The following SBF2 variants were observed in gnomAD, a reference collection of about 807,000 sequenced individuals.
SBF2 encodes the protein SET binding factor 2.
In SBF2, 112 loss-of-function variants were observed where a neutral mutation model predicts 225.2. The ratio of observed to expected loss-of-function variants is 0.50; its 90% CI spans 0.43 to 0.58. The LOEUF (loss-of-function observed/expected upper bound fraction) is 0.58. Ranked by LOEUF, SBF2 falls within the 20% of genes least tolerant of loss-of-function variation. The pLI, the probability that SBF2 is intolerant of heterozygous loss-of-function variation, is 0.00. For synonymous variants in SBF2, 763 were observed against 773.3 expected (o/e 0.99, Z 0.22); for missense variants, 1,996 against 2,206.2 (o/e 0.90, Z 1.91).
At chr11:10,211,229 C>A (rs1368737045) in intron 1 of SBF2, among the ~76,000 whole-genome samples, 1 of 152,088 alleles carries the variant, frequency 6.6e-6, no homozygotes, top group Admixed American at 6.6e-5. Flanking sequence ...ACAGTTAGCT[C>A]TAAAATGAAG....
intron 1 of SBF2, among the ~76,000 whole-genome samples, chr11:10,217,705 A>G (rs114447136): frequency 0.022 from 3,283 of 152,244 alleles, 89 homozygotes; most frequent in African/African-American, 0.065. Flanking sequence ...TAAGCCTTAG[A>G]GAGGTATTAC....
At chr11:10,141,591 T>C (rs1158647983) in intron 2 of SBF2, among the ~76,000 whole-genome samples, 3 of 152,184 alleles carry the variant, frequency 2.0e-5, no homozygotes, top group Non-Finnish European at 4.4e-5. Flanking sequence ...TCATCAAAAT[T>C]ATAGCTTCCC....
intron 3 of SBF2, among the ~76,000 whole-genome samples, chr11:10,032,035 T>G (rs920028563): frequency 6.6e-6 from 1 of 152,216 alleles, no homozygotes; most frequent in Non-Finnish European, 1.5e-5. Flanking sequence ...CCATCATGCT[T>G]GGCTGAGAGA....
At chr11:9,852,912 C>T (rs979402960) in intron 20 of SBF2, among the ~76,000 whole-genome samples, 163 bp from the exon 21 acceptor site, 2 of 152,040 alleles carry the variant, frequency 1.3e-5, no homozygotes, top group African/African-American at 4.8e-5. Flanking sequence ...TACATATATA[C>T]CCAAAAGAAA....
intron 2 of SBF2, among the ~76,000 whole-genome samples, chr11:10,170,777 T>C (rs1398792067): frequency 6.6e-6 from 1 of 152,036 alleles, no homozygotes; most frequent in Non-Finnish European, 1.5e-5. Context: ...TTCCAATCCA[T>C]GAACATGGAA....
At chr11:10,062,883 A>G (rs1427428212) in intron 2 of SBF2, among the ~76,000 whole-genome samples, 1 of 152,176 alleles carries the variant, frequency 6.6e-6, no homozygotes, top group Non-Finnish European at 1.5e-5. Flanking sequence ...AAAGACCCAG[A>G]CACGTGAATG....
chr11:10,117,806 T>C (rs550971614), intron 2 of SBF2, among the ~76,000 whole-genome samples: 22 of 152,118 alleles, frequency 1.4e-4, no homozygotes, highest in Non-Finnish European at 2.6e-4. Context: ...TTATGCAATA[T>C]GACTCCATTT....
chr11:10,170,511 G>C (rs1956142083), intron 2 of SBF2, among the ~76,000 whole-genome samples: 1 of 152,082 alleles, frequency 6.6e-6, no homozygotes, highest in Admixed American at 6.5e-5. Flanking sequence ...CCAGTAACAT[G>C]CTATTTTGGT....
chr11:10,048,062 C>T (rs1949933549), intron 2 of SBF2, among the ~76,000 whole-genome samples: 1 of 152,092 alleles, frequency 6.6e-6, no homozygotes, highest in Non-Finnish European at 1.5e-5. Context: ...TAAAGAAAAG[C>T]CGACATCATT....
At chr11:10,219,464 T>C (rs546402584) in intron 1 of SBF2, among the ~76,000 whole-genome samples, 2 of 152,322 alleles carry the variant, frequency 1.3e-5, no homozygotes, top group East Asian at 3.9e-4. Flanking sequence ...GGGACTGCCT[T>C]AAAGGTCTCT....
intron 12 of SBF2, among the ~76,000 whole-genome samples, chr11:9,990,571 T>C (rs1947384314): frequency 6.6e-6 from 1 of 152,186 alleles, no homozygotes; most frequent in East Asian, 1.9e-4. Context: ...TCTTAGGCTC[T>C]TGACTGATAC....
chr11:9,968,822 A>G (rs1867136377), intron 13 of SBF2, among the ~76,000 whole-genome samples: 1 of 152,012 alleles, frequency 6.6e-6, no homozygotes, highest in Non-Finnish European at 1.5e-5. Flanking sequence ...TCATCTCCCT[A>G]ATCCCTTAAC....
At chr11:10,285,125 C>T (rs1380731747) in intron 1 of SBF2, among the ~76,000 whole-genome samples, 1 of 152,082 alleles carries the variant, frequency 6.6e-6, no homozygotes, top group African/African-American at 2.4e-5. Context: ...GCCTGGGTAA[C>T]ATGGTGAAAC....
At position 10,217,348 on chromosome 11, in the gene SBF2, T is replaced by A. The variant is rs1040531735; in HGVS notation, c.56-23361A>T. On this transcript the variant is annotated intron_variant, in intron 1 of 39. Transcript: ENST00000256190. Reference sequence around the variant, plus strand: ...ACTGAGTGTGCAAGATTATTTCTTTTTTCTTGGAAAGGAGACTTTTTACTT... The same window carrying A: ...ACTGAGTGTGCAAGATTATTTCTTTATTCTTGGAAAGGAGACTTTTTACTT... Among the ~76,000 whole-genome samples, 4 of 152,228 alleles carry A rather than the reference T, an allele frequency of 2.6e-5. No homozygotes were observed. In the South Asian group the frequency reaches 8.3e-4, roughly 31 times the overall value.
chr11:9,907,490 A>G (rs1334879608), intron 16 of SBF2, among the ~76,000 whole-genome samples: 1 of 152,156 alleles, frequency 6.6e-6, no homozygotes, highest in African/African-American at 2.4e-5. Flanking sequence ...GTACAATGTT[A>G]AGCAAAAAAT....
At chr11:9,806,125 G>T (rs1853831568) in intron 32 of SBF2, among the ~76,000 whole-genome samples, 1 of 152,140 alleles carries the variant, frequency 6.6e-6, no homozygotes, top group Non-Finnish European at 1.5e-5. Flanking sequence ...CTAAGTAGAG[G>T]GCAATAGTTA....
intron 9 of SBF2, among the ~76,000 whole-genome samples, chr11:9,996,977 G>A (rs1947731251): frequency 6.6e-6 from 1 of 152,120 alleles, no homozygotes; most frequent in Non-Finnish European, 1.5e-5. Flanking sequence ...CAGGTATCCT[G>A]TATCCCACAC....
intron 17 of SBF2, among the ~76,000 whole-genome samples, chr11:9,892,446 C>G (rs1384928590): frequency 6.6e-6 from 1 of 152,068 alleles, no homozygotes; most frequent in Non-Finnish European, 1.5e-5. Flanking sequence ...CATTCCCACT[C>G]CTTTTCCCCA....
intron 2 of SBF2, among the ~76,000 whole-genome samples, chr11:10,102,648 T>TA (rs981146201): frequency 3.3e-5 from 5 of 152,218 alleles, no homozygotes; most frequent in East Asian, 1.9e-4. Flanking sequence ...GTTGATCCTG[T>TA]AAAAAAAGTT....
Sources: gnomAD v4.1 joint callset for allele counts (sites outside exome capture counted in the v4.1 genomes callset) on GRCh38, gnomAD v4.1.1 for gene constraint, MANE v1.5 for transcripts, NCBI Gene and HGNC (gene_info 2026-07-23, HGNC 2026-07-21) for gene names.